Variants in LRRC4C observed in about 807,000 individuals in gnomAD.
LRRC4C encodes the protein leucine-rich repeat-containing protein 4C.
Under a neutral mutation model 33.6 loss-of-function variants are expected in LRRC4C, and 5 were observed. The observed-to-expected ratio is 0.15, with a 90% CI of 0.08 to 0.31. The LOEUF is 0.31. Ranked by LOEUF, LRRC4C falls within the 10% of genes least tolerant of loss-of-function variation. The pLI is 1.00. For synonymous variants in LRRC4C, 329 were observed against 302.0 expected (o/e 1.09, Z -0.93); for missense variants, 560 against 796.7 (o/e 0.70, Z 3.58).
intron 2 of LRRC4C, among the ~76,000 whole-genome samples, chr11:40,752,184 T>C (rs781334443): frequency 1.3e-5 from 2 of 152,068 alleles, no homozygotes; most frequent in African/African-American, 2.4e-5. Flanking sequence ...CTTCAAGACG[T>C]TGGTTTAGGC....
At chr11:41,382,497 T>C (rs1272828863) in intron 1 of LRRC4C, among the ~76,000 whole-genome samples, 4 of 152,090 alleles carry the variant, frequency 2.6e-5, no homozygotes, top group African/African-American at 7.2e-5. Context: ...TACAATTATA[T>C]AAGCTAAAAT....
At chr11:41,098,183 C>G (rs906763706) in intron 1 of LRRC4C, among the ~76,000 whole-genome samples, 9 of 152,034 alleles carry the variant, frequency 5.9e-5, no homozygotes, top group Non-Finnish European at 1.3e-4. Context: ...CTCCAAGTCT[C>G]TAATCTGAGA....
At chr11:40,585,719 A>G (rs888201441) in intron 3 of LRRC4C, among the ~76,000 whole-genome samples, 3 of 141,312 alleles carry the variant, frequency 2.1e-5, no homozygotes, top group Non-Finnish European at 4.6e-5. Context: ...GAGAATATGC[A>G]GTGTTTGGTT....
At chr11:40,994,197 C>T (rs1042248413) in intron 1 of LRRC4C, among the ~76,000 whole-genome samples, 1 of 151,976 alleles carries the variant, frequency 6.6e-6, no homozygotes, top group Admixed American at 6.6e-5. Flanking sequence ...AGGTGAGGTT[C>T]TTCTTTCATA....
chr11:40,976,300 C>T (rs185433240), intron 1 of LRRC4C, among the ~76,000 whole-genome samples: 83 of 152,284 alleles, frequency 5.5e-4, no homozygotes, highest in African/African-American at 1.9e-3. Context: ...TGTTGGAGAA[C>T]ATTCACCTGG....
At chr11:40,926,134 G>A (rs569900326) in intron 2 of LRRC4C, among the ~76,000 whole-genome samples, 218 of 151,760 alleles carry the variant, frequency 1.4e-3, no homozygotes, top group Admixed American at 4.3e-3. Context: ...TCACTAAATT[G>A]CATGTTTTCT....
chr11:41,425,164 T>C (rs907081158), intron 1 of LRRC4C, among the ~76,000 whole-genome samples: 1 of 152,122 alleles, frequency 6.6e-6, no homozygotes, highest in Non-Finnish European at 1.5e-5. Flanking sequence ...GGAGTCATCA[T>C]GATTAATTTC....
chr11:40,207,120 G>C lies in LRRC4C; in HGVS notation c.-96+34399C>G, dbSNP rs186359623. On this transcript the variant is annotated intron_variant, in intron 5 of 6. Coordinates refer to ENST00000528697, the MANE Select transcript of LRRC4C (RefSeq NM_001258419.2). ...ATTCACGAACTCATTACCAAGCCTTGATCAATCTTAATATATTGTACGGAA... is the reference window on the plus strand; with the variant it reads ...ATTCACGAACTCATTACCAAGCCTTCATCAATCTTAATATATTGTACGGAA... Among the ~76,000 whole-genome samples the C allele has an allele frequency of 5.7e-4, 87 of 152,228 alleles. 1 individual carries two copies. Among genetic ancestry groups the C allele is most frequent in the Non-Finnish European group, 6.5e-4 (44 of 68,022 alleles).
At position 40,910,240 on chromosome 11, in the gene LRRC4C, AT is replaced by A. The variant is rs561286389; in HGVS notation, c.-407+23394del. Among the ~76,000 whole-genome samples the A allele has an allele frequency of 3.4e-4, 52 of 152,304 alleles. No individual in the cohort carries two copies. The East Asian group carries it at 7.9e-3, about 23-fold the overall frequency. ...TGGACTGCCATGAGTGTTATAAGAG[AT>A]GGAAAAATAACATGATTCAATTCAG... On this transcript the variant is annotated intron_variant, in intron 2 of 6. Transcript: ENST00000528697.
chr11:40,976,195 A>G (rs147878572), intron 1 of LRRC4C, among the ~76,000 whole-genome samples: 8 of 152,284 alleles, frequency 5.3e-5, no homozygotes, highest in African/African-American at 1.9e-4. Context: ...TGGCTTTCTC[A>G]CAGTGCTGCA....
intron 1 of LRRC4C, among the ~76,000 whole-genome samples, chr11:41,000,463 T>C (rs1854295185): frequency 2.0e-5 from 3 of 152,200 alleles, no homozygotes. Context: ...GTATATTCTC[T>C]CTGCATGGGC....
At chr11:41,072,923 T>A (rs1170011546) in intron 1 of LRRC4C, among the ~76,000 whole-genome samples, 1 of 152,218 alleles carries the variant, frequency 6.6e-6, no homozygotes, top group Admixed American at 6.5e-5. Context: ...AGGAATTTTT[T>A]ATTGGGATTG....
At chr11:40,283,403 C>T (rs1943614014) in intron 4 of LRRC4C, among the ~76,000 whole-genome samples, 1 of 151,614 alleles carries the variant, frequency 6.6e-6, no homozygotes, top group South Asian at 2.1e-4. Flanking sequence ...CTGCCAGGTA[C>T]ATGTTGTCTA....
rs12273246 is a variant in LRRC4C, at chr11:41,240,290, T to C, written c.-496+219141A>G. 3.6e-3 allele frequency among the ~76,000 whole-genome samples: 554 copies of C among 152,264 alleles called. 5 individuals carry two copies. The highest frequency in any genetic ancestry group is 0.013 in the African/African-American group (532 of 41,556). On this transcript the variant is annotated intron_variant, in intron 1 of 6. Coordinates refer to ENST00000528697, the MANE Select transcript of LRRC4C (RefSeq NM_001258419.2). Reference sequence around the variant, plus strand: ...CACAGACATTACCGCATCTAATTCTTGATGCCATGCTTTGGGGAAAATACA... The same window carrying C: ...CACAGACATTACCGCATCTAATTCTCGATGCCATGCTTTGGGGAAAATACA...
intron 3 of LRRC4C, among the ~76,000 whole-genome samples, chr11:40,413,359 A>G (rs1485996157): frequency 6.6e-6 from 1 of 152,024 alleles, no homozygotes; most frequent in East Asian, 1.9e-4. Flanking sequence ...ATTGTTTTAT[A>G]TGGCTGCCCT....
Position 40,567,421 on chromosome 11 carries a change from T to C in LRRC4C, c.-270+80721A>G, listed in dbSNP as rs191265317. On this transcript the variant is annotated intron_variant, in intron 3 of 6. Coordinates refer to ENST00000528697, the MANE Select transcript of LRRC4C (RefSeq NM_001258419.2). Reference sequence around the variant, plus strand: ...GCTATGTGTTTTCACAAATGTTATCTCTTTTAATCCTTCCAACAGCAGTTT... The same window carrying C: ...GCTATGTGTTTTCACAAATGTTATCCCTTTTAATCCTTCCAACAGCAGTTT... 7.6e-4 allele frequency among the ~76,000 whole-genome samples: 115 copies of C among 152,296 alleles called. 2 individuals are homozygous for C.
chr11:40,403,189 C>T (rs1273237491), intron 3 of LRRC4C, among the ~76,000 whole-genome samples: 3 of 152,074 alleles, frequency 2.0e-5, no homozygotes, highest in Non-Finnish European at 4.4e-5. Flanking sequence ...TAAGCCATAT[C>T]ATATGATTCT....
At chr11:40,892,927 A>C (rs550652718) in intron 2 of LRRC4C, among the ~76,000 whole-genome samples, 1 of 152,322 alleles carries the variant, frequency 6.6e-6, no homozygotes, top group Non-Finnish European at 1.5e-5. Context: ...GAATGGTTAA[A>C]ATGATAAATG....
chr11:41,169,599 T>C (rs1013660453), intron 1 of LRRC4C, among the ~76,000 whole-genome samples: 7 of 152,316 alleles, frequency 4.6e-5, no homozygotes, highest in Admixed American at 4.6e-4. Flanking sequence ...TCCATGATTC[T>C]ATTTGGTCCA....
Sources: gnomAD v4.1 joint callset for allele counts (sites outside exome capture counted in the v4.1 genomes callset) on GRCh38, gnomAD v4.1.1 for gene constraint, MANE v1.5 for transcripts, NCBI Gene and HGNC (gene_info 2026-07-23, HGNC 2026-07-21) for gene names.